Variants in GABRR1 observed in about 807,000 individuals in gnomAD.
GABRR1 encodes the protein gamma-aminobutyric acid receptor subunit rho-1.
In GABRR1, 59 loss-of-function variants were observed where a neutral mutation model predicts 55.5. The observed-to-expected ratio is 1.06, with a 90% CI of 0.86 to 1.32. The LOEUF is 1.32. Among genes scored for constraint, GABRR1 ranks in the 40% most tolerant of loss-of-function variants. The pLI is 0.00. For synonymous variants in GABRR1, 213 were observed against 226.0 expected (o/e 0.94, Z 0.51); for missense variants, 602 against 619.1 (o/e 0.97, Z 0.29).
chr6:89,179,119 C>T (rs1771637719), intron 9 of GABRR1, 56 bp from the exon 10 acceptor site: 2 of 1,551,636 alleles, frequency 1.3e-6, no homozygotes, highest in South Asian at 1.2e-5. Flanking sequence ...CTCAGAAGCC[C>T]TTCAAAAGGA....
At chr6:89,186,445 GCTCCTGCCCCAGAGTGCCC>G (rs1399740103) in intron 6 of GABRR1, among the ~76,000 whole-genome samples, 2 of 152,186 alleles carry the variant, frequency 1.3e-5, no homozygotes, top group Non-Finnish European at 2.9e-5. Context: ...TGCGGCATCC[GCTCCTGCCCCAGAGTGCCC>G]CTCCTGCACT....
chr6:89,192,873 T>A (rs1298890131), intron 5 of GABRR1, among the ~76,000 whole-genome samples: 4 of 152,220 alleles, frequency 2.6e-5, no homozygotes, highest in East Asian at 3.9e-4. Context: ...TTGACTCTTT[T>A]ATATCTTCAA....
intron 4 of GABRR1, among the ~76,000 whole-genome samples, chr6:89,198,823 C>T (rs943811757): frequency 1.3e-5 from 2 of 152,168 alleles, no homozygotes; most frequent in African/African-American, 4.8e-5. Flanking sequence ...CCCAGGATCA[C>T]TTCCCAAATA....
intron 1 of GABRR1, among the ~76,000 whole-genome samples, chr6:89,206,674 G>C (rs1270804456): frequency 6.6e-6 from 1 of 151,438 alleles, no homozygotes; most frequent in Non-Finnish European, 1.5e-5. Context: ...GGAGTGCAGT[G>C]GTGCAATTAT....
At position 89,185,382 on chromosome 6, in the gene GABRR1, G is replaced by A. The variant is rs200602822; in HGVS notation, c.724C>T (p.Arg242Trp). Reference protein sequence around the residue: ...KGNDSLKTDERISLSQFLIQE... With the variant: ...KGNDSLKTDEWISLSQFLIQE... Reference sequence around the variant, plus strand: ...ATGAGGAACTGGGAGAGTGAGATCCGTTCATCTGTCTTTAAGGAGTCATTG... The same window carrying A: ...ATGAGGAACTGGGAGAGTGAGATCCATTCATCTGTCTTTAAGGAGTCATTG... The change falls in exon 7 of 10, where the codon CGG becomes TGG. Residue 242 changes from arginine to tryptophan, a missense_variant. Physicochemically the swap from Arg to Trp is moderately radical, Grantham distance 101. Around this residue, in one of 3 missense-constraint regions of GABRR1, gnomAD observed 435 missense variants for 424.2 expected, o/e 1.03. Transcript: ENST00000454853. 4.1e-5 allele frequency: 66 copies of A among 1,613,642 alleles called. No homozygotes were observed. Among genetic ancestry groups the A allele is most frequent in the East Asian group, 2.0e-4 (9 of 44,864 alleles).
chr6:89,208,666 A>T (rs1772727986), intron 1 of GABRR1, among the ~76,000 whole-genome samples: 1 of 152,246 alleles, frequency 6.6e-6, no homozygotes, highest in Non-Finnish European at 1.5e-5. Flanking sequence ...AGATGGCAAC[A>T]CGCCAGCTTC....
rs566408272 is a variant in GABRR1 at position 89,209,398 on chromosome 6, T to C, written c.123-5913A>G. On this transcript the variant is annotated intron_variant, in intron 1 of 9. Transcript: ENST00000454853. ...TATCTATTTGACCCTAATGCCAACATTTTAGACTCTTGTTAAATGCCTTTT... is the reference window on the plus strand; with the variant it reads ...TATCTATTTGACCCTAATGCCAACACTTTAGACTCTTGTTAAATGCCTTTT... 1.9e-3 allele frequency among the ~76,000 whole-genome samples: 296 copies of C among 152,316 alleles called. 1 individual carries two copies. The highest frequency in any genetic ancestry group is 3.4e-3 in the Non-Finnish European group (228 of 68,014).
intron 5 of GABRR1, among the ~76,000 whole-genome samples, chr6:89,194,628 T>C (rs545234518): frequency 6.6e-6 from 1 of 151,822 alleles, no homozygotes. Context: ...CAAAAAATAA[T>C]ACAAAAAAGC....
intron 4 of GABRR1, 149 bp downstream of exon 4, chr6:89,199,213 A>C (rs929195289): frequency 1.4e-6 from 1 of 726,588 alleles, no homozygotes; most frequent in Non-Finnish European, 2.4e-6. Flanking sequence ...CTTTGGGCAA[A>C]TCTTCCTGAG....
rs189206901 is a variant in GABRR1, at chr6:89,201,550, C to T, written c.174-285G>A. ...ATCCCAGAACTTTGGGAGTCCGAGG[C>T]GGGTGGATCACGAGGTCAGGAGATC... On this transcript the variant is annotated intron_variant, in intron 2 of 9. Coordinates refer to ENST00000454853, the MANE Select transcript of GABRR1 (RefSeq NM_002042.5). Among the ~76,000 whole-genome samples the T allele has an allele frequency of 5.3e-5, 8 of 152,242 alleles. No homozygotes were observed. In the East Asian group the frequency reaches 1.4e-3, roughly 26 times the overall value.
Position 89,180,505 on chromosome 6 carries a change from GA to G in GABRR1, c.950-18del. ...TTGTGATACCTGCAAACACAAGAAT[GA>G]GAAACAAGTGTTTGCTTGTCTTTCA... On this transcript the variant is annotated intron_variant, in intron 8 of 9. Transcript: ENST00000454853. 1 of 1,611,252 alleles carries G rather than the reference GA, an allele frequency of 6.2e-7. No homozygotes were observed. Among genetic ancestry groups the G allele is most frequent in the Non-Finnish European group, 8.5e-7 (1 of 1,178,424 alleles).
chr6:89,197,100 G>A (rs1772319684), intron 5 of GABRR1, among the ~76,000 whole-genome samples: 3 of 152,158 alleles, frequency 2.0e-5, no homozygotes, highest in East Asian at 1.9e-4. Flanking sequence ...AATGAGTATG[G>A]AGGGATCATC....
chr6:89,191,819 G>A (rs1772097971), intron 5 of GABRR1, among the ~76,000 whole-genome samples: 1 of 152,116 alleles, frequency 6.6e-6, no homozygotes, highest in South Asian at 2.1e-4. Flanking sequence ...TTTGGTCTGA[G>A]GTATTCATCA....
At position 89,180,297 on chromosome 6, in the gene GABRR1, C is replaced by G. The variant is rs560713515; in HGVS notation, c.1141G>C (p.Glu381Gln). Reference sequence around the variant, plus strand: ...TAAGCGCATGGCAAAGTCACCTTCTCCCGCAGCTTCTGTTCCTTCCTCTCC... The same window carrying G: ...TAAGCGCATGGCAAAGTCACCTTCTGCCGCAGCTTCTGTTCCTTCCTCTCC... ...VQERKEQKLR[E>Q]KLPCTSGLPP... Residue 381 changes from glutamate (E) to glutamine (Q), a missense_variant, in exon 9 of 10, where the codon GAG (glutamate) becomes CAG (glutamine). Physicochemically the swap from Glu to Gln is conservative, Grantham distance 29 (BLOSUM62 2). Coordinates refer to ENST00000454853, the MANE Select transcript of GABRR1 (RefSeq NM_002042.5). The G allele has an allele frequency of 3.7e-6, 6 of 1,612,824 alleles. No individual in the cohort carries two copies. The Admixed American group carries it at 5.0e-5, about 14-fold the overall frequency.
At chr6:89,228,527 G>A (rs1261427974) in intron 1 of GABRR1, among the ~76,000 whole-genome samples, 127 of 85,436 alleles carry the variant, frequency 1.5e-3, no homozygotes, top group Non-Finnish European at 2.7e-3. Context: ...TATGTACCCA[G>A]TAGTCATTCA....
chr6:89,203,480 T>C lies in GABRR1; in HGVS notation c.128A>G (p.Gln43Arg). The C allele has an allele frequency of 6.2e-7, 1 of 1,612,406 alleles. No individual in the cohort carries two copies. The highest frequency in any genetic ancestry group is 1.1e-5 in the South Asian group (1 of 91,036). The change falls in exon 2 of 10, where the codon CAA (glutamine) becomes CGA (arginine). Residue 43 changes from glutamine to arginine, a missense_variant. Physicochemically the swap from Gln to Arg is conservative, Grantham distance 43. This residue lies in a region of GABRR1 where 435 missense variants were observed against 424.2 expected (regional missense o/e 1.03). Coordinates refer to ENST00000454853, the MANE Select transcript of GABRR1 (RefSeq NM_002042.5). The stretch of plus-strand genomic sequence containing the variant: ...TTCATGTACTTCTCGTCTTTGTCTT[T>C]GGGGCCTACCATGAACATTAAAAAT... ...VHEMSKKGRP[Q>R]RQRREVHEDA... is the part of the protein sequence containing the mutation.
intron 1 of GABRR1, among the ~76,000 whole-genome samples, chr6:89,224,786 T>C (rs1437323444): frequency 3.2e-5 from 2 of 62,336 alleles, no homozygotes; most frequent in African/African-American, 1.6e-4. Flanking sequence ...TCTTCTAGAA[T>C]TTTTTTTTTT....
intron 1 of GABRR1, among the ~76,000 whole-genome samples, chr6:89,224,441 A>C (rs1452978492): frequency 6.6e-6 from 1 of 151,946 alleles, no homozygotes; most frequent in Non-Finnish European, 1.5e-5. Flanking sequence ...GATGTTGAGC[A>C]TTTTTTCATG....
intron 4 of GABRR1, among the ~76,000 whole-genome samples, chr6:89,198,961 C>T (rs1013056858): frequency 4.0e-5 from 6 of 151,500 alleles, no homozygotes; most frequent in East Asian, 1.9e-4. Context: ...TTATCTGAAC[C>T]GACCAAAAAG....
Sources: allele counts gnomAD v4.1 joint callset (sites outside exome capture counted in the v4.1 genomes callset), GRCh38; gene constraint gnomAD v4.1.1; regional missense constraint gnomAD v4.1.1; transcripts MANE v1.5; gene names NCBI Gene and HGNC (gene_info 2026-07-23, HGNC 2026-07-21).